The following TWSG1 variants were observed in gnomAD, a reference collection of about 807,000 sequenced individuals.
The protein encoded by TWSG1 is twisted gastrulation BMP signaling modulator 1, also known as twisted gastrulation protein homolog 1.
Under a neutral mutation model 23.0 loss-of-function variants are expected in TWSG1, and 15 were observed. The ratio of observed to expected loss-of-function variants is 0.65; its 90% CI spans 0.44 to 1.00. The LOEUF (loss-of-function observed/expected upper bound fraction) is 1.00. TWSG1 is among the 50% of genes least tolerant of loss of function. The pLI, the probability that TWSG1 is intolerant of heterozygous loss-of-function variation, is 0.00. For synonymous variants in TWSG1, 86 were observed against 92.8 expected (o/e 0.93, Z 0.42); for missense variants, 242 against 278.7 (o/e 0.87, Z 0.94).
At position 9,343,210 on chromosome 18, in the gene TWSG1, TTA is replaced by T. The variant is rs6146209; in HGVS notation, c.123+5908_123+5909del. Among the ~76,000 whole-genome samples, 470 of 130,866 alleles carry T rather than the reference TTA, an allele frequency of 3.6e-3. 2 individuals are homozygous for T. The highest frequency in any genetic ancestry group is 4.6e-3 in the Non-Finnish European group (282 of 61,364). The allele number at this position is 130,866 out of a possible 152,430, so 85.9% of individuals were successfully genotyped here. On this transcript the variant is annotated intron_variant, in intron 2 of 4. Coordinates refer to ENST00000262120, the MANE Select transcript of TWSG1 (RefSeq NM_020648.6). ...AGGAAATGCCCTGTTTTGTTTTTTG[TTA>T]TATATATATATATATATATATATAT...
chr18:9,340,057 C>T (rs1037609075), intron 2 of TWSG1, among the ~76,000 whole-genome samples: 8 of 151,990 alleles, frequency 5.3e-5, no homozygotes, highest in Admixed American at 1.3e-4. Context: ...GGATGGTAGA[C>T]TACTTGGATT....
chr18:9,381,364 G>A (rs2040655433), intron 3 of TWSG1, among the ~76,000 whole-genome samples: 2 of 152,098 alleles, frequency 1.3e-5, no homozygotes, highest in Non-Finnish European at 2.9e-5. Context: ...TGTTGTAGTG[G>A]TTGAAGTATA....
intron 2 of TWSG1, among the ~76,000 whole-genome samples, chr18:9,342,219 C>T (rs2040449332): frequency 6.6e-6 from 1 of 152,184 alleles, no homozygotes; most frequent in African/African-American, 2.4e-5. Flanking sequence ...GTTGTATGAC[C>T]TTGGGCAAGT....
intron 3 of TWSG1, among the ~76,000 whole-genome samples, chr18:9,363,951 C>T (rs144064749): frequency 4.6e-5 from 7 of 152,132 alleles, no homozygotes; most frequent in African/African-American, 4.8e-5. Context: ...TCTTTAATAT[C>T]GTCTAATACC....
intron 3 of TWSG1, among the ~76,000 whole-genome samples, chr18:9,374,982 A>G (rs2040622418): frequency 6.6e-6 from 1 of 152,142 alleles, no homozygotes; most frequent in African/African-American, 2.4e-5. Flanking sequence ...CCTGGCTAAC[A>G]CAGTGAAACC....
chr18:9,399,644 T>A lies in TWSG1; in HGVS notation c.*117T>A, dbSNP rs1002801718. 1 of 901,472 alleles carries A rather than the reference T, an allele frequency of 1.1e-6. No homozygotes were observed. The highest frequency in any genetic ancestry group is 2.8e-5 in the East Asian group (1 of 36,220). 55.8% of individuals were successfully genotyped at this position (901,472 alleles called of 1,614,324 possible). A position where few individuals can be genotyped will look rare whatever the true frequency, so the allele number is the denominator to read the frequency against. On this transcript the variant is annotated 3_prime_UTR_variant, in exon 5 of 5. Transcript: ENST00000262120. The stretch of plus-strand genomic sequence containing the variant: ...CCAGTAAGTTAAGTTGTAAAGACTT[T>A]GGAATAAGTTTCTTTTAAAAATATG...
intron 2 of TWSG1, among the ~76,000 whole-genome samples, chr18:9,344,491 ATGTGTG>A (rs57863617): frequency 2.2e-5 from 3 of 136,820 alleles, no homozygotes; most frequent in African/African-American, 8.4e-5. Flanking sequence ...TAGTGAATGC[ATGTGTG>A]TGTGTGTGTG....
At chr18:9,353,765 T>G (rs545110233) in intron 2 of TWSG1, among the ~76,000 whole-genome samples, 3 of 152,336 alleles carry the variant, frequency 2.0e-5, no homozygotes, top group Non-Finnish European at 1.5e-5. Context: ...CTCAGCCTTC[T>G]CTTCTCCACA....
chr18:9,375,166 C>CAAAAAAAAA (rs34522798), intron 3 of TWSG1, among the ~76,000 whole-genome samples: 2 of 89,778 alleles, frequency 2.2e-5, no homozygotes, highest in African/African-American at 4.3e-5. Context: ...TACTCCGTCT[C>CAAAAAAAAA]AAAAAAAAAA....
rs537264657 is a variant in TWSG1 at position 9,363,559 on chromosome 18, AAG to A, written c.223+3491_223+3492del. On this transcript the variant is annotated intron_variant, in intron 3 of 4. Coordinates refer to ENST00000262120, the MANE Select transcript of TWSG1 (RefSeq NM_020648.6). ...GTCCTTTAGTTATACATCTCAAAAA[AAG>A]AGTATTTTTACATAACACAATGTCA... Among the ~76,000 whole-genome samples, 422 of 152,332 alleles carry A rather than the reference AAG, an allele frequency of 2.8e-3. 2 individuals carry two copies. The highest frequency in any genetic ancestry group is 9.8e-3 in the African/African-American group (407 of 41,582).
intron 3 of TWSG1, among the ~76,000 whole-genome samples, chr18:9,370,447 A>T (rs1207962389): frequency 6.6e-6 from 1 of 152,214 alleles, no homozygotes; most frequent in Non-Finnish European, 1.5e-5. Flanking sequence ...GTTGAATTTC[A>T]CTGAACACAT....
chr18:9,339,437 T>A lies in TWSG1; in HGVS notation c.123+2085T>A, dbSNP rs560975150. 7.2e-5 allele frequency among the ~76,000 whole-genome samples: 11 copies of A among 152,190 alleles called. No homozygotes were observed. The South Asian group carries it at 2.3e-3, about 32-fold the overall frequency. ...CTGGGACTACAGGCACGTGGCACCA[T>A]GCCTGGCTAATTTACTTTGTATTTT... On this transcript the variant is annotated intron_variant, in intron 2 of 4. Coordinates refer to ENST00000262120, the MANE Select transcript of TWSG1 (RefSeq NM_020648.6).
At chr18:9,384,917 A>T (rs2040675285) in intron 3 of TWSG1, among the ~76,000 whole-genome samples, 1 of 152,054 alleles carries the variant, frequency 6.6e-6, no homozygotes, top group Admixed American at 6.6e-5. Context: ...AAGTGCTGGG[A>T]TTTACAGGCA....
chr18:9,345,204 A>C (rs1568031160), intron 2 of TWSG1, among the ~76,000 whole-genome samples: 1 of 152,234 alleles, frequency 6.6e-6, no homozygotes, highest in South Asian at 2.1e-4. Context: ...TTCAACTACT[A>C]TGTATCATTT....
chr18:9,370,983 C>T (rs1206257678), intron 3 of TWSG1, among the ~76,000 whole-genome samples: 2 of 151,786 alleles, frequency 1.3e-5, no homozygotes, highest in African/African-American at 4.8e-5. Flanking sequence ...TCACTTAACT[C>T]TAAGGTGTTT....
At chr18:9,351,624 T>G (rs1254030909) in intron 2 of TWSG1, among the ~76,000 whole-genome samples, 5 of 1,324 alleles carry the variant, frequency 3.8e-3, no homozygotes, top group Non-Finnish European at 0.026. Flanking sequence ...CATGCTGGGT[T>G]TTTTTTTTTT....
chr18:9,402,219 T>A lies in TWSG1; in HGVS notation c.*2692T>A, dbSNP rs1449756737. On this transcript the variant is annotated 3_prime_UTR_variant, in exon 5 of 5. Coordinates refer to ENST00000262120, the MANE Select transcript of TWSG1 (RefSeq NM_020648.6). ...AGCATTAAAATGGAGAAAAGAAAGTTTTCTGAAAAAATGCAGTAAATATAA... is the reference window on the plus strand; with the variant it reads ...AGCATTAAAATGGAGAAAAGAAAGTATTCTGAAAAAATGCAGTAAATATAA... 1 of 152,146 alleles carries A rather than the reference T, an allele frequency of 6.6e-6. No homozygotes were observed. Among genetic ancestry groups the A allele is most frequent in the Non-Finnish European group, 1.5e-5 (1 of 68,012 alleles). 9.4% of individuals were successfully genotyped at this position (152,146 alleles called of 1,614,324 possible). A position where few individuals can be genotyped will look rare whatever the true frequency, so the allele number is the denominator to read the frequency against.
chr18:9,383,323 G>A (rs991920360), intron 3 of TWSG1, among the ~76,000 whole-genome samples: 2 of 151,404 alleles, frequency 1.3e-5, no homozygotes, highest in African/African-American at 4.9e-5. Context: ...CCTCCTGAGT[G>A]GCTGAAATTA....
rs75944408 is a variant in TWSG1 at position 9,343,960 on chromosome 18, G to T, written c.123+6608G>T. Reference sequence around the variant, plus strand: ...TTACTGCCTGTGCACACAGGCAGTGGTGCAATCATTGTTCACTGTAACCTT... The same window carrying T: ...TTACTGCCTGTGCACACAGGCAGTGTTGCAATCATTGTTCACTGTAACCTT... On this transcript the variant is annotated intron_variant, in intron 2 of 4. Transcript: ENST00000262120. Among the ~76,000 whole-genome samples the T allele has an allele frequency of 3.9e-5, 6 of 152,314 alleles. No homozygotes were observed. The East Asian group carries it at 1.2e-3, about 29-fold the overall frequency.
Sources: allele counts gnomAD v4.1 joint callset (sites outside exome capture counted in the v4.1 genomes callset), GRCh38; gene constraint gnomAD v4.1.1; transcripts MANE v1.5; gene names NCBI Gene and HGNC (gene_info 2026-07-23, HGNC 2026-07-21).